DNMT3B: variants seen among roughly 807,000 people sequenced by gnomAD.
DNMT3B encodes DNA (cytosine-5)-methyltransferase 3B.
Under a neutral mutation model 120.2 loss-of-function variants are expected in DNMT3B, and 37 were observed. The observed-to-expected ratio is 0.31, with a 90% CI of 0.24 to 0.40. The LOEUF is 0.40. Among genes scored for constraint, DNMT3B ranks in the 10% least tolerant of loss-of-function variants. DNMT3B has a pLI of 1.00. For synonymous variants in DNMT3B, 412 were observed against 442.8 expected (o/e 0.93, Z 0.87); for missense variants, 878 against 1,137.3 (o/e 0.77, Z 3.28).
rs10625883 is a variant in DNMT3B, at chr20:32,771,635, C to CAAAAAA, written c.-6-8670_-6-8665dup. Among the ~76,000 whole-genome samples, 2 of 87,938 alleles carry CAAAAAA rather than the reference C, an allele frequency of 2.3e-5. 1 individual carries two copies. Among genetic ancestry groups the CAAAAAA allele is most frequent in the African/African-American group, 8.9e-5 (2 of 22,448 alleles). The allele number at this position is 87,938 out of a possible 152,430, so 57.7% of individuals were successfully genotyped here. ...TGGGCAACAGAGCAAGACCGCATCT[C>CAAAAAA]AAAAAAAAAAAAAAAAAAGGAGTGG... On this transcript the variant is annotated intron_variant, in intron 1 of 22. Transcript: ENST00000328111.
intron 6 of DNMT3B, 75 bp downstream of exon 6, chr20:32,787,526 G>C: frequency 6.8e-6 from 10 of 1,478,460 alleles, no homozygotes; most frequent in Non-Finnish European, 9.3e-6. Flanking sequence ...ACCTGCTACT[G>C]TTGGTAACAG....
chr20:32,806,604 GGACACTAC>G (rs1413819268), intron 22 of DNMT3B, among the ~76,000 whole-genome samples: 1 of 152,152 alleles, frequency 6.6e-6, no homozygotes, highest in African/African-American at 2.4e-5. Context: ...CAACATGCTG[GGACACTAC>G]GATGTGTGAG....
chr20:32,801,169 C>T, intron 18 of DNMT3B, 109 bp from the exon 19 acceptor site: 1 of 1,523,486 alleles, frequency 6.6e-7, no homozygotes, highest in Non-Finnish European at 9.0e-7. Flanking sequence ...TGGTAGGCAT[C>T]ACCCTGAACT....
At chr20:32,764,026 G>A (rs1987143515) in intron 1 of DNMT3B, among the ~76,000 whole-genome samples, 1 of 152,170 alleles carries the variant, frequency 6.6e-6, no homozygotes, top group South Asian at 2.1e-4. Flanking sequence ...TTTTTCCAGA[G>A]TTGAGATGAT....
At chr20:32,793,437 A>T (rs1980223887) in intron 9 of DNMT3B, 99 bp from the exon 10 acceptor site, 2 of 1,388,078 alleles carry the variant, frequency 1.4e-6, no homozygotes, top group Non-Finnish European at 2.0e-6. Context: ...CACTGCATTC[A>T]AGCCTGGGTG....
At chr20:32,771,768 T>G (rs4911257) in intron 1 of DNMT3B, among the ~76,000 whole-genome samples, 1 of 151,898 alleles carries the variant, frequency 6.6e-6, no homozygotes, top group Non-Finnish European at 1.5e-5. Context: ...CTGGCTTTAC[T>G]TACGGGGAAA....
intron 20 of DNMT3B, among the ~76,000 whole-genome samples, chr20:32,803,548 A>G (rs910289978): frequency 7.2e-5 from 11 of 152,186 alleles, no homozygotes; most frequent in Admixed American, 7.2e-4. Flanking sequence ...CGCTGTTGCC[A>G]TTTTCATGGT....
chr20:32,795,779 AG>A, intron 12 of DNMT3B, 85 bp downstream of exon 12: 3 of 1,558,686 alleles, frequency 1.9e-6, no homozygotes, highest in Non-Finnish European at 2.6e-6. Context: ...CCACCCTGTC[AG>A]GGTTTAACCC....
At chr20:32,769,300 G>T in intron 1 of DNMT3B, among the ~76,000 whole-genome samples, 1 of 152,096 alleles carries the variant, frequency 6.6e-6, no homozygotes, top group Non-Finnish European at 1.5e-5. Flanking sequence ...TGTTCGCCAG[G>T]ATGGTCTTGA....
intron 10 of DNMT3B, 113 bp from the exon 11 acceptor site, chr20:32,795,296 T>A: frequency 6.5e-7 from 1 of 1,545,958 alleles, no homozygotes; most frequent in Non-Finnish European, 8.9e-7. Context: ...GTGGACCCCC[T>A]GTCATGCCCC....
At chr20:32,784,477 C>A (rs949199649) in intron 3 of DNMT3B, among the ~76,000 whole-genome samples, 1 of 152,172 alleles carries the variant, frequency 6.6e-6, no homozygotes, top group African/African-American at 2.4e-5. Context: ...CCTAGCTGCT[C>A]GCTGCTTCAG....
chr20:32,783,033 C>T (rs1978815750), intron 3 of DNMT3B, among the ~76,000 whole-genome samples: 1 of 152,156 alleles, frequency 6.6e-6, no homozygotes, highest in Non-Finnish European at 1.5e-5. Flanking sequence ...AAGCGATTCC[C>T]CTGCCTCAGG....
chr20:32,780,063 T>A (rs930209406), intron 1 of DNMT3B: 18 of 1,604,546 alleles, frequency 1.1e-5, no homozygotes, highest in Non-Finnish European at 1.4e-5. Flanking sequence ...AGCCCTGGCC[T>A]CCCCACTCTG....
rs1474691931 is a variant in DNMT3B at position 32,808,214 on chromosome 20, T to C, written c.*311T>C. 6 of 433,850 alleles carry C rather than the reference T, an allele frequency of 1.4e-5. No homozygotes were observed. Among genetic ancestry groups the C allele is most frequent in the Non-Finnish European group, 2.6e-5 (6 of 234,832 alleles). The allele number at this position is 433,850 out of a possible 1,614,324, so 26.9% of individuals were successfully genotyped here. On this transcript the variant is annotated 3_prime_UTR_variant, in exon 23 of 23. Coordinates refer to ENST00000328111, the MANE Select transcript of DNMT3B (RefSeq NM_006892.4). Reference sequence around the variant, plus strand: ...GGCTTTTTTTTTTTCCCTTCCTGGGTCTACCACTCAGAGAAACAATGGCTA... The same window carrying C: ...GGCTTTTTTTTTTTCCCTTCCTGGGCCTACCACTCAGAGAAACAATGGCTA...
intron 1 of DNMT3B, among the ~76,000 whole-genome samples, chr20:32,768,754 C>T (rs116332114): frequency 0.021 from 3,146 of 152,272 alleles, 111 homozygotes; most frequent in African/African-American, 0.07. Context: ...GGCCCCCGCT[C>T]TTTTGTGAAA....
chr20:32,766,649 G>T (rs1307663174), intron 1 of DNMT3B, among the ~76,000 whole-genome samples: 1 of 151,022 alleles, frequency 6.6e-6, no homozygotes, highest in Non-Finnish European at 1.5e-5. Context: ...TTGGAGCGCA[G>T]TGGCGGTTGC....
At chr20:32,780,883 C>A (rs1978537784) in intron 2 of DNMT3B, among the ~76,000 whole-genome samples, 1 of 152,218 alleles carries the variant, frequency 6.6e-6, no homozygotes. Context: ...TGGGATCCCG[C>A]CCCAGCTGGG....
At chr20:32,798,123 G>A (rs1980866711) in intron 14 of DNMT3B, among the ~76,000 whole-genome samples, 1 of 152,164 alleles carries the variant, frequency 6.6e-6, no homozygotes, top group Non-Finnish European at 1.5e-5. Context: ...GCTCTTAATA[G>A]GCCAAGAGCA....
rs767814649 is a variant in DNMT3B, at chr20:32,805,387, G to C, written c.2281G>C (p.Glu761Gln). The C allele has an allele frequency of 2.1e-5, 34 of 1,613,966 alleles. No individual in the cohort carries two copies. The highest frequency in any genetic ancestry group is 2.7e-5 in the Non-Finnish European group (32 of 1,180,016). The change falls in exon 21 of 23, where the codon GAA becomes CAA. Residue 761 changes from glutamate (E) to glutamine (Q), a missense_variant. Glu to Gln is a conservative substitution (Grantham distance 29). Transcript: ENST00000328111. Reference sequence around the variant, plus strand: ...TAAACTCGAGCTGCAGGACTGCTTGGAATACAATAGGATAGCCAAGGTAAG... The same window carrying C: ...TAAACTCGAGCTGCAGGACTGCTTGCAATACAATAGGATAGCCAAGGTAAG... ...NDKLELQDCL[E>Q]YNRIAKLKKV... is the part of the protein sequence containing the mutation.
Sources: allele counts gnomAD v4.1 joint callset (sites outside exome capture counted in the v4.1 genomes callset), GRCh38; gene constraint gnomAD v4.1.1; transcripts MANE v1.5; gene names NCBI Gene and HGNC (gene_info 2026-07-23, HGNC 2026-07-21).